Variants in UBAC2 observed in about 807,000 individuals in gnomAD.
The protein encoded by UBAC2 is ubiquitin-associated domain-containing protein 2.
UBAC2 carries 26 observed loss-of-function variants against 44.0 expected under a neutral mutation model. The observed-to-expected ratio is 0.59, with a 90% CI of 0.43 to 0.82. The LOEUF (loss-of-function observed/expected upper bound fraction) is 0.82, where lower values mean the gene tolerates loss of function less well. Ranked by LOEUF, UBAC2 falls within the 40% of genes least tolerant of loss-of-function variation. UBAC2 has a pLI of 0.00. For missense variants in UBAC2, 329 were observed against 419.4 expected, an observed-to-expected ratio of 0.78 and a Z score of 1.88; for synonymous variants, 155 against 154.3, an observed-to-expected ratio of 1.00 and a Z score of -0.04.
chr13:99,366,094 AT>A (rs1307145813), intron 7 of UBAC2, among the ~76,000 whole-genome samples: 14 of 151,424 alleles, frequency 9.2e-5, no homozygotes, highest in African/African-American at 3.2e-4. Flanking sequence ...TATATTTTAG[AT>A]TTATCTTTTG....
intron 7 of UBAC2, among the ~76,000 whole-genome samples, chr13:99,351,052 T>C (rs1193797240): frequency 6.6e-6 from 1 of 152,156 alleles, no homozygotes; most frequent in African/African-American, 2.4e-5. Context: ...CAGCGTAATA[T>C]AATGAAAAGA....
intron 4 of UBAC2, among the ~76,000 whole-genome samples, chr13:99,256,710 C>A (rs201376219): frequency 2.3e-4 from 33 of 146,038 alleles, no homozygotes; most frequent in Admixed American, 2.7e-4. Flanking sequence ...TTTCCATCAC[C>A]AAAAAAAAAA....
intron 6 of UBAC2, among the ~76,000 whole-genome samples, chr13:99,334,336 A>G (rs777543682): frequency 1.3e-5 from 2 of 152,228 alleles, no homozygotes; most frequent in Non-Finnish European, 2.9e-5. Context: ...AAGACATTAC[A>G]TGGAACTGTA....
At chr13:99,287,290 C>T (rs1251201711) in intron 4 of UBAC2, among the ~76,000 whole-genome samples, 1 of 152,098 alleles carries the variant, frequency 6.6e-6, no homozygotes, top group Non-Finnish European at 1.5e-5. Context: ...CAGGTGCAGG[C>T]ACAGGCAGGT....
At chr13:99,380,080 T>C (rs576534178) in intron 8 of UBAC2, among the ~76,000 whole-genome samples, 150 of 152,256 alleles carry the variant, frequency 9.9e-4, no homozygotes, top group African/African-American at 3.5e-3. Context: ...TTGGAGACAC[T>C]GAATAAACTA....
chr13:99,280,513 TC>T (rs1223075033), intron 4 of UBAC2, among the ~76,000 whole-genome samples: 3 of 152,160 alleles, frequency 2.0e-5, no homozygotes, highest in African/African-American at 7.2e-5. Context: ...AACCTCTCCT[TC>T]CTTCTTGCTC....
intron 4 of UBAC2, chr13:99,294,498 A>G (rs1205045962): frequency 6.6e-6 from 1 of 152,302 alleles, no homozygotes. Context: ...TGACACTCCC[A>G]CTGATAGTTG....
chr13:99,288,423 C>T (rs2044048382), intron 4 of UBAC2, among the ~76,000 whole-genome samples: 2 of 152,174 alleles, frequency 1.3e-5, no homozygotes, highest in South Asian at 4.1e-4. Flanking sequence ...TAGACAACAG[C>T]TTTAAAATTT....
rs73568025 is a variant in UBAC2, at chr13:99,291,667, T to G, written c.390-22430T>G. 3.3e-3 allele frequency among the ~76,000 whole-genome samples: 503 copies of G among 152,324 alleles called. 5 individuals carry two copies. Among genetic ancestry groups the G allele is most frequent in the African/African-American group, 0.012 (484 of 41,568 alleles). On this transcript the variant is annotated intron_variant, in intron 4 of 8. Coordinates refer to ENST00000403766, the MANE Select transcript of UBAC2 (RefSeq NM_001144072.2). ...CCTTGTTGGCTAATTAGCGCTCTCCTTTAATGTGTCTAATTTAAATTACAG... is the reference window on the plus strand; with the variant it reads ...CCTTGTTGGCTAATTAGCGCTCTCCGTTAATGTGTCTAATTTAAATTACAG...
chr13:99,263,958 G>T (rs2043705587), intron 4 of UBAC2, among the ~76,000 whole-genome samples: 1 of 152,216 alleles, frequency 6.6e-6, no homozygotes, highest in African/African-American at 2.4e-5. Context: ...CAGTGCTTAG[G>T]ATTTCATGCT....
intron 4 of UBAC2, chr13:99,254,850 G>A: frequency 6.4e-7 from 1 of 1,562,050 alleles, no homozygotes; most frequent in Middle Eastern, 1.7e-4. Context: ...GAATTTTGAT[G>A]GGATTGAAAT....
At chr13:99,242,071 C>T (rs1300144687) in intron 2 of UBAC2, among the ~76,000 whole-genome samples, 4 of 151,800 alleles carry the variant, frequency 2.6e-5, no homozygotes, top group South Asian at 4.2e-4. Flanking sequence ...CACAGATCAA[C>T]AGGATCCCAA....
chr13:99,255,340 A>T (rs2138626783), intron 4 of UBAC2: 1 of 1,614,190 alleles, frequency 6.2e-7, no homozygotes, highest in Middle Eastern at 1.6e-4. Flanking sequence ...TAGATAGATG[A>T]TGTCAGAAAT....
chr13:99,255,705 C>A, intron 4 of UBAC2: 1 of 1,613,796 alleles, frequency 6.2e-7, no homozygotes. Context: ...AGATGGTTAC[C>A]GTGGTTCTCT....
At chr13:99,296,267 A>G (rs1475257556) in intron 4 of UBAC2, 1 of 878,816 alleles carries the variant, frequency 1.1e-6, no homozygotes, top group East Asian at 2.9e-5. Context: ...AGCAATCCAA[A>G]CTGTCTTTTA....
At position 99,200,887 on chromosome 13, in the gene UBAC2, G is replaced by C; in HGVS notation, c.-22G>C. The C allele has an allele frequency of 7.7e-7, 1 of 1,303,780 alleles. No homozygotes were observed. Among genetic ancestry groups the C allele is most frequent in the Non-Finnish European group, 9.8e-7 (1 of 1,018,100 alleles). The allele number at this position is 1,303,780 out of a possible 1,614,324, so 80.8% of individuals were successfully genotyped here. On this transcript the variant is annotated 5_prime_UTR_variant, in exon 1 of 9. Transcript: ENST00000403766. ...GCTTCCCCTCCCCCGGCGCCCTCTGGGGCTCCGAGCCCGGCGGGACCATGT... is the reference window on the plus strand; with the variant it reads ...GCTTCCCCTCCCCCGGCGCCCTCTGCGGCTCCGAGCCCGGCGGGACCATGT...
chr13:99,292,393 C>T (rs7996326), intron 4 of UBAC2, among the ~76,000 whole-genome samples: 306 of 152,078 alleles, frequency 2.0e-3, no homozygotes, highest in African/African-American at 6.3e-3. Context: ...TCACCCGCCT[C>T]GGCCTCCCAA....
In UBAC2 at chr13:99,340,577, A is replaced by G. The variant is rs371749068; in HGVS notation, c.807+12A>G. 9.0e-5 allele frequency: 144 copies of G among 1,600,902 alleles called. No homozygotes were observed. The highest frequency in any genetic ancestry group is 1.2e-4 in the Non-Finnish European group (136 of 1,171,844). On this transcript the variant is annotated intron_variant, in intron 7 of 8. Transcript: ENST00000403766. ...AGAGACAGCAGCAGGTAAAAGTGAT[A>G]ATAATCACTAAAAATTTAGAAATTC...
chr13:99,211,907 C>T (rs2042940846), intron 1 of UBAC2, among the ~76,000 whole-genome samples: 1 of 152,214 alleles, frequency 6.6e-6, no homozygotes, highest in African/African-American at 2.4e-5. Flanking sequence ...CCATGGCAGC[C>T]TCCTTCCTGG....
Sources: allele counts gnomAD v4.1 joint callset (sites outside exome capture counted in the v4.1 genomes callset), GRCh38; gene constraint gnomAD v4.1.1; transcripts MANE v1.5; gene names NCBI Gene and HGNC (gene_info 2026-07-23, HGNC 2026-07-21).